Variants in SRA1 observed in about 807,000 individuals in gnomAD.
SRA1 encodes steroid receptor RNA activator 1.
A neutral mutation model predicts 24.3 loss-of-function variants in SRA1; 25 were observed. The observed-to-expected ratio is 1.03, with a 90% CI of 0.75 to 1.43. The LOEUF (loss-of-function observed/expected upper bound fraction) is 1.43. Ranked by LOEUF, SRA1 falls within the 40% of genes most tolerant of loss-of-function variation. The pLI, the probability that SRA1 is intolerant of heterozygous loss-of-function variation, is 0.00. For missense variants in SRA1, 303 were observed against 286.6 expected, an observed-to-expected ratio of 1.06 and a Z score of -0.41; for synonymous variants, 104 against 109.5, an observed-to-expected ratio of 0.95 and a Z score of 0.31.
upstream of SRA1, chr5:140,557,960 C>T (rs1366599000): frequency 1.1e-5 from 2 of 178,896 alleles, no homozygotes; most frequent in African/African-American, 4.8e-5. Flanking sequence ...ACCCTACAAC[C>T]CTCTGAGATT....
chr5:140,553,313 A>G (rs1320732996), intron 2 of SRA1, among the ~76,000 whole-genome samples: 1 of 152,170 alleles, frequency 6.6e-6, no homozygotes, highest in Non-Finnish European at 1.5e-5. Flanking sequence ...CTCTTAAAAA[A>G]AAAAAAAAAA....
rs1196631163 is a variant in SRA1 at position 140,557,466 on chromosome 5, T to A, written c.-14A>T. ...CAGCTCCGCCATCTCCACTTCCGCTTGGCCAGCGGGGCAGCGCGTCATTTC... is the reference window on the plus strand; with the variant it reads ...CAGCTCCGCCATCTCCACTTCCGCTAGGCCAGCGGGGCAGCGCGTCATTTC... On this transcript the variant is annotated 5_prime_UTR_variant, in exon 1 of 5. Coordinates refer to ENST00000336283, the MANE Select transcript of SRA1 (RefSeq NM_001035235.4). The A allele has an allele frequency of 6.4e-7, 1 of 1,554,814 alleles. No homozygotes were observed. Among genetic ancestry groups the A allele is most frequent in the Non-Finnish European group, 8.7e-7 (1 of 1,151,088 alleles).
At position 140,557,197 on chromosome 5, in the gene SRA1, C is replaced by CGCCTGGGTCCGCCG. The variant is rs745875652; in HGVS notation, c.87_100dup (p.Arg34ProfsTer70). 5.6e-6 allele frequency: 9 copies of CGCCTGGGTCCGCCG among 1,613,016 alleles called. No homozygotes were observed. Among genetic ancestry groups the CGCCTGGGTCCGCCG allele is most frequent in the Non-Finnish European group, 7.6e-6 (9 of 1,179,858 alleles). Reference sequence around the variant, plus strand: ...GGCGACCCTCTTGGTAAGCAGCGAGCGCCTGGGTCCGCCGGCCTGGGTCTG... The same window carrying CGCCTGGGTCCGCCG: ...GGCGACCCTCTTGGTAAGCAGCGAGCGCCTGGGTCCGCCGGCCTGGGTCCGCCGGCCTGGGTCTG... On this transcript the variant is annotated frameshift_variant, in exon 2 of 5. Transcript: ENST00000336283. LOFTEE classifies it high-confidence loss of function.
chr5:140,551,259 T>C, intron 3 of SRA1, 90 bp from the exon 4 acceptor site: 1 of 958,596 alleles, frequency 1.0e-6, no homozygotes, highest in East Asian at 2.5e-5. Context: ...AAGCACCTGC[T>C]TTCTCTGGCC....
At chr5:140,557,117 T>A in intron 2 of SRA1, 30 bp downstream of exon 2, 1 of 1,195,044 alleles carries the variant, frequency 8.4e-7, no homozygotes, top group Admixed American at 2.1e-5. Context: ...CCATTCTCCG[T>A]CTGTCTCCGA....
Position 140,552,644 on chromosome 5 carries a change from ACT to A in SRA1, c.152-462_152-461del, listed in dbSNP as rs769953064. ...CTCCAGCCTGGGCAACAAGAGTGAA[ACT>A]CTGTCTCAAAAAAAAAAAAAAAGAA... On this transcript the variant is annotated intron_variant, in intron 2 of 4. Coordinates refer to ENST00000336283, the MANE Select transcript of SRA1 (RefSeq NM_001035235.4). Among the ~76,000 whole-genome samples the A allele has an allele frequency of 6.5e-4, 98 of 150,892 alleles. 1 individual carries two copies. The Middle Eastern group carries it at 0.014, about 21-fold the overall frequency.
At position 140,552,135 on chromosome 5, in the gene SRA1, A is replaced by AG. The variant is rs760082194; in HGVS notation, c.200dup (p.Pro68SerfsTer4). On this transcript the variant is annotated frameshift_variant, in exon 3 of 5. Transcript: ENST00000336283. LOFTEE classifies it high-confidence loss of function. ...GGGACCTGGGAGCCTTACTTGAAGGAGGTGGAGGCCCCATTGGGGGAGGCC... is the reference window on the plus strand; with the variant it reads ...GGGACCTGGGAGCCTTACTTGAAGGAGGGTGGAGGCCCCATTGGGGGAGGCC... 163 of 1,611,868 alleles carry AG rather than the reference A, an allele frequency of 1.0e-4. No individual in the cohort carries two copies. Among genetic ancestry groups the AG allele is most frequent in the Non-Finnish European group, 1.4e-5 (16 of 1,179,064 alleles).
intron 2 of SRA1, among the ~76,000 whole-genome samples, chr5:140,552,925 G>A (rs925683356): frequency 6.6e-6 from 1 of 152,038 alleles, no homozygotes; most frequent in Non-Finnish European, 1.5e-5. Context: ...TCTAGAGGCA[G>A]GGAAAAAAAC....
intron 4 of SRA1, 48 bp downstream of exon 4, chr5:140,551,013 A>T: frequency 6.3e-7 from 1 of 1,582,196 alleles, no homozygotes; most frequent in Non-Finnish European, 8.7e-7. Flanking sequence ...AGCATAGCCA[A>T]CCACAGCAGG....
Position 140,550,664 on chromosome 5 carries a change from A to AG in SRA1, c.*35dup, listed in dbSNP as rs770895415. The AG allele has an allele frequency of 3.8e-6, 6 of 1,573,962 alleles. No homozygotes were observed. Among genetic ancestry groups the AG allele is most frequent in the Non-Finnish European group, 5.2e-6 (6 of 1,143,466 alleles). ...AAGTGACAGAAGGTCTCCAAGGCAT[A>AG]GGAGATGGTGTCCGGTGAGTCTGGG... On this transcript the variant is annotated 3_prime_UTR_variant, in exon 5 of 5. Transcript: ENST00000336283.
intron 2 of SRA1, 73 bp from the exon 3 acceptor site, chr5:140,552,257 T>C: frequency 8.9e-7 from 1 of 1,129,178 alleles, no homozygotes; most frequent in South Asian, 1.6e-5. Context: ...TCACCCCTTC[T>C]AAGAAGGGCT....
chr5:140,557,093 ACACC>A (rs1561862984), intron 2 of SRA1, 50 bp downstream of exon 2: 2 of 904,936 alleles, frequency 2.2e-6, no homozygotes, highest in Non-Finnish European at 1.6e-6. Flanking sequence ...CTTATGCCTT[ACACC>A]CCCCCCCCCC....
rs202147814 is a variant in SRA1, at chr5:140,551,950, C to T, written c.354+32G>A. Reference sequence around the variant, plus strand: ...TCCTGCATTTGGCTGTGGATGGGAGCCCTCTCTAACCTCTGATGTGCCAGA... The same window carrying T: ...TCCTGCATTTGGCTGTGGATGGGAGTCCTCTCTAACCTCTGATGTGCCAGA... On this transcript the variant is annotated intron_variant, in intron 3 of 4. Transcript: ENST00000336283. The T allele has an allele frequency of 2.7e-4, 428 of 1,596,742 alleles. 2 individuals are homozygous for T. Among genetic ancestry groups the T allele is most frequent in the Middle Eastern group, 1.8e-3 (10 of 5,670 alleles).
rs757621727 is a variant in SRA1 at position 140,550,840 on chromosome 5, C to A, written c.535G>T (p.Val179Phe). Residue 179 changes from valine (V) to phenylalanine (F), a missense_variant, in exon 5 of 5, where the codon GTC becomes TTC. Val to Phe is a conservative substitution (Grantham distance 50). Coordinates refer to ENST00000336283, the MANE Select transcript of SRA1 (RefSeq NM_001035235.4). The part of the protein sequence containing the change: ...RSLMVDHVTE[V>F]SQWMVGVKRL... The stretch of plus-strand genomic sequence containing the variant: ...TTAACTCCTACCATCCACTGACTGA[C>A]CTCAGTCACATGGTCAACCATGAGG... 3.7e-6 allele frequency: 6 copies of A among 1,613,914 alleles called. No individual in the cohort carries two copies. Among genetic ancestry groups the A allele is most frequent in the Non-Finnish European group, 4.2e-6 (5 of 1,179,930 alleles).
Position 140,550,911 on chromosome 5 carries a change from T to A in SRA1, c.464A>T (p.Glu155Val). 6.2e-7 allele frequency: 1 copy of A among 1,614,030 alleles called. No homozygotes were observed. Among genetic ancestry groups the A allele is most frequent in the South Asian group, 1.1e-5 (1 of 91,080 alleles). ...TGCGTCCCACCGGTGGCTTGAAAGC[T>A]CTGAAGAGAGACGGGGGTTGAGCAA... The part of the protein sequence containing the change: ...VKKRMALLVQ[E>V]LSSHRWDAAD... The change falls in exon 5 of 5, where the codon GAG becomes GTG. Residue 155 changes from glutamate to valine, a missense_variant and splice_region_variant. Glu to Val is a moderately radical substitution (Grantham distance 121). Coordinates refer to ENST00000336283, the MANE Select transcript of SRA1 (RefSeq NM_001035235.4).
intron 2 of SRA1, among the ~76,000 whole-genome samples, chr5:140,555,375 T>C (rs1234781429): frequency 2.0e-5 from 3 of 152,052 alleles, no homozygotes; most frequent in African/African-American, 4.8e-5. Flanking sequence ...CCCTCCCAAG[T>C]AGCTGGTATT....
rs1754748820 is a variant in SRA1 at position 140,557,357 on chromosome 5, T to G, written c.25+71A>C. ...GCTGGGGGAGACAGAGGGTCCATAC[T>G]AAGCGCCGCAACCGCCCCCAGCCTA... On this transcript the variant is annotated intron_variant, in intron 1 of 4. Coordinates refer to ENST00000336283, the MANE Select transcript of SRA1 (RefSeq NM_001035235.4). 10 of 1,603,630 alleles carry G rather than the reference T, an allele frequency of 6.2e-6. No homozygotes were observed. The Middle Eastern group carries it at 6.6e-4, about 106-fold the overall frequency.
rs932499933 is a variant in SRA1, at chr5:140,551,101, C to G, written c.423G>C (p.Leu141Phe). The change falls in exon 4 of 5, where the codon TTG (leucine) becomes TTC (phenylalanine). Residue 141 changes from leucine (L) to phenylalanine (F), a missense_variant. Coordinates refer to ENST00000336283, the MANE Select transcript of SRA1 (RefSeq NM_001035235.4). The part of the protein sequence containing the change: ...LLQEQWAGGK[L>F]SIPVKKRMAL... ...CCATTCTCTTCTTTACAGGTATTGA[C>G]AACTTTCCTCCAGCCCACTGTTCCT... The G allele has an allele frequency of 2.5e-6, 4 of 1,614,090 alleles. No individual in the cohort carries two copies. The African/African-American group carries it at 5.3e-5, about 22-fold the overall frequency.
In SRA1 at chr5:140,557,233, G is replaced by A. The variant is rs534062987; in HGVS notation, c.65C>T (p.Ser22Leu). Residue 22 changes from serine (S) to leucine (L), a missense_variant, in exon 2 of 5, where the codon TCA becomes TTA. By Grantham distance (145) the Ser-to-Leu change is moderately radical. Transcript: ENST00000336283. ...ERGWNDPPQF[S>L]YGLQTQAGGP... ...GCCGGCCTGGGTCTGCAGCCCGTAT[G>A]AGAACTGCGGCGGGTCGTTCCAGCC... 37 of 1,613,248 alleles carry A rather than the reference G, an allele frequency of 2.3e-5. No individual in the cohort carries two copies. In the East Asian group the frequency reaches 5.6e-4, roughly 24 times the overall value.
Sources: gnomAD v4.1 joint callset for allele counts (sites outside exome capture counted in the v4.1 genomes callset) on GRCh38, gnomAD v4.1.1 for gene constraint, MANE v1.5 for transcripts, NCBI Gene and HGNC (gene_info 2026-07-23, HGNC 2026-07-21) for gene names.